Variants in FOXP2 observed in about 807,000 individuals in gnomAD.
FOXP2 encodes forkhead box protein P2.
FOXP2 carries 12 observed loss-of-function variants against 115.8 expected under a neutral mutation model. That is an observed-to-expected ratio of 0.10 (90% CI 0.07 to 0.17). The LOEUF is 0.17. FOXP2 is among the 10% of genes least tolerant of loss of function. The pLI, the probability that FOXP2 is intolerant of heterozygous loss-of-function variation, is 1.00. For synonymous variants in FOXP2, 328 were observed against 297.7 expected (o/e 1.10, Z -1.05); for missense variants, 629 against 843.5 (o/e 0.75, Z 3.15).
chr7:114,631,734 T>G, intron 6 of FOXP2, 29 bp downstream of exon 6: 1 of 1,610,308 alleles, frequency 6.2e-7, no homozygotes, highest in Non-Finnish European at 8.5e-7. Flanking sequence ...GCACTCTTCA[T>G]TTCAAATCTT....
intron 2 of FOXP2, among the ~76,000 whole-genome samples, chr7:114,492,870 G>A (rs1468157192): frequency 1.3e-5 from 2 of 152,092 alleles, no homozygotes; most frequent in Non-Finnish European, 2.9e-5. Context: ...GTGTGGTGCT[G>A]AAAAGAATGT....
intron 1 of FOXP2, among the ~76,000 whole-genome samples, chr7:114,252,650 A>AT (rs1193973008): frequency 6.6e-6 from 1 of 152,046 alleles, no homozygotes; most frequent in African/African-American, 2.4e-5. Flanking sequence ...CCCCTTTATC[A>AT]TTTTTTATTA....
rs147394938 is a variant in FOXP2, at chr7:114,205,740, G to T, written c.-102+42652G>T. On this transcript the variant is annotated intron_variant, in intron 1 of 17. Coordinates refer to the FOXP2 transcript ENST00000634411. Reference sequence around the variant, plus strand: ...TCAATGGAGGCCTCACAGACCTCATGGGAGCTCTGAAGCAAAGTGGCTCTT... The same window carrying T: ...TCAATGGAGGCCTCACAGACCTCATTGGAGCTCTGAAGCAAAGTGGCTCTT... Among the ~76,000 whole-genome samples the T allele has an allele frequency of 6.0e-3, 921 of 152,258 alleles. 6 individuals are homozygous for T. Among genetic ancestry groups the T allele is most frequent in the African/African-American group, 0.021 (872 of 41,542 alleles).
intron 2 of FOXP2, among the ~76,000 whole-genome samples, chr7:114,375,285 TTC>T (rs1483043484): frequency 2.0e-5 from 3 of 152,206 alleles, no homozygotes; most frequent in Admixed American, 6.5e-5. Context: ...TCTCTTCCTC[TTC>T]TTTCCCTCCT....
At chr7:114,336,330 A>T (rs1239644752) in intron 2 of FOXP2, among the ~76,000 whole-genome samples, 1 of 151,624 alleles carries the variant, frequency 6.6e-6, no homozygotes, top group Non-Finnish European at 1.5e-5. Context: ...AATTCCAAAT[A>T]TTTATCTTAA....
Position 114,690,045 on chromosome 7 carries a change from G to C in FOXP2, c.*119G>C, listed in dbSNP as rs1236475786. ...CTATTTATTAAGCATGGATAAAGGA[G>C]ACAGCCCTAAAGGAACTTACTAAGC... On this transcript the variant is annotated 3_prime_UTR_variant, in exon 17 of 17. Coordinates refer to ENST00000350908, the MANE Select transcript of FOXP2 (RefSeq NM_014491.4). The C allele has an allele frequency of 3.1e-6, 4 of 1,289,104 alleles. No homozygotes were observed. Among genetic ancestry groups the C allele is most frequent in the Non-Finnish European group, 4.4e-6 (4 of 904,756 alleles). 79.9% of individuals were successfully genotyped at this position (1,289,104 alleles called of 1,614,324 possible).
At chr7:114,210,559 T>C (rs1384371127) in intron 1 of FOXP2, among the ~76,000 whole-genome samples, 1 of 152,166 alleles carries the variant, frequency 6.6e-6, no homozygotes, top group Non-Finnish European at 1.5e-5. Context: ...ACTTGTTACC[T>C]GCCTGAATAC....
intron 1 of FOXP2, among the ~76,000 whole-genome samples, chr7:114,155,497 A>C (rs1408482535): frequency 6.6e-6 from 1 of 152,176 alleles, no homozygotes; most frequent in Non-Finnish European, 1.5e-5. Context: ...ATGGCCCTGG[A>C]AAGCTGTCTC....
chr7:114,505,809 G>A (rs893577858), intron 2 of FOXP2, among the ~76,000 whole-genome samples: 4 of 151,554 alleles, frequency 2.6e-5, no homozygotes, highest in Non-Finnish European at 5.9e-5. Context: ...TTATGTAAAA[G>A]TCATGTATTT....
At chr7:114,162,407 AT>A (rs1459125133), upstream of FOXP2, among the ~76,000 whole-genome samples, 3 of 152,056 alleles carry the variant, frequency 2.0e-5, no homozygotes, top group East Asian at 5.8e-4. Context: ...AAAAAATCTC[AT>A]TCCAGATTTC....
intron 1 of FOXP2, among the ~76,000 whole-genome samples, chr7:114,092,184 G>C (rs1000424756): frequency 1.7e-4 from 26 of 151,952 alleles, no homozygotes; most frequent in African/African-American, 5.1e-4. Flanking sequence ...TTTAATTTCT[G>C]TCATGAAAGA....
At chr7:114,247,092 CA>C (rs1795303192) in intron 1 of FOXP2, among the ~76,000 whole-genome samples, 1 of 152,058 alleles carries the variant, frequency 6.6e-6, no homozygotes, top group South Asian at 2.1e-4. Flanking sequence ...CTGTGTTTTA[CA>C]AAATAATCTC....
At chr7:114,470,725 T>C (rs894002178) in intron 2 of FOXP2, among the ~76,000 whole-genome samples, 1 of 152,172 alleles carries the variant, frequency 6.6e-6, no homozygotes, top group African/African-American at 2.4e-5. Flanking sequence ...CTTTTTATTA[T>C]ACCCAACACA....
intron 1 of FOXP2, among the ~76,000 whole-genome samples, chr7:114,115,982 T>G (rs1157815531): frequency 6.6e-6 from 1 of 152,198 alleles, no homozygotes; most frequent in Admixed American, 6.6e-5. Context: ...TTGTAACCCC[T>G]CTAGTAGCAT....
At chr7:114,453,729 T>C (rs1350792950) in intron 2 of FOXP2, among the ~76,000 whole-genome samples, 1 of 152,046 alleles carries the variant, frequency 6.6e-6, no homozygotes, top group East Asian at 1.9e-4. Flanking sequence ...TGTTTCTATA[T>C]CTCCCTTAAA....
intron 2 of FOXP2, among the ~76,000 whole-genome samples, chr7:114,393,936 G>A (rs1792671330): frequency 6.6e-6 from 1 of 151,820 alleles, no homozygotes; most frequent in Non-Finnish European, 1.5e-5. Context: ...AGAAATTATT[G>A]TGGATGTAAA....
intron 1 of FOXP2, among the ~76,000 whole-genome samples, chr7:114,138,256 A>G (rs1792095513): frequency 6.6e-6 from 1 of 152,160 alleles, no homozygotes; most frequent in Admixed American, 6.5e-5. Flanking sequence ...TCAAGAGGGA[A>G]AAAGAGTAAC....
At chr7:114,094,691 T>C (rs1223098811) in intron 1 of FOXP2, among the ~76,000 whole-genome samples, 1 of 152,184 alleles carries the variant, frequency 6.6e-6, no homozygotes, top group Non-Finnish European at 1.5e-5. Context: ...AGACAGAGTC[T>C]CGCTCTATTG....
chr7:114,392,840 G>A (rs1282837168), intron 2 of FOXP2, among the ~76,000 whole-genome samples: 1 of 152,204 alleles, frequency 6.6e-6, no homozygotes, highest in Non-Finnish European at 1.5e-5. Context: ...TGAATGGAAT[G>A]TGCCAGTTGG....
Sources: gnomAD v4.1 joint callset for allele counts (sites outside exome capture counted in the v4.1 genomes callset) on GRCh38, gnomAD v4.1.1 for gene constraint, MANE v1.5 for transcripts, NCBI Gene and HGNC (gene_info 2026-07-23, HGNC 2026-07-21) for gene names.